The following ADTRP variants were observed in gnomAD, a reference collection of about 807,000 sequenced individuals.
ADTRP encodes the protein androgen dependent TFPI regulating protein.
In ADTRP, 20 loss-of-function variants were observed where a neutral mutation model predicts 27.0. The observed-to-expected ratio is 0.74, with a 90% CI of 0.52 to 1.08. ADTRP has a LOEUF of 1.08. Ranked by LOEUF, ADTRP falls within the 50% of genes least tolerant of loss-of-function variation. ADTRP has a pLI of 0.00. For missense variants in ADTRP, 251 were observed against 275.0 expected, an observed-to-expected ratio of 0.91 and a Z score of 0.62; for synonymous variants, 101 against 105.2, an observed-to-expected ratio of 0.96 and a Z score of 0.25.
At chr6:11,714,926 G>T (rs1290400507) in intron 5 of ADTRP, among the ~76,000 whole-genome samples, 1 of 152,138 alleles carries the variant, frequency 6.6e-6, no homozygotes, top group Non-Finnish European at 1.5e-5. Flanking sequence ...AACTAATTGG[G>T]GTCATTCTGT....
chr6:11,755,068 C>T, intron 3 of ADTRP: 1 of 985,394 alleles, frequency 1.0e-6, no homozygotes, highest in Non-Finnish European at 1.2e-6. Context: ...AGTCATTCTT[C>T]CCGTTGGGGT....
chr6:11,743,781 G>C (rs904636938), intron 3 of ADTRP, among the ~76,000 whole-genome samples: 1 of 152,178 alleles, frequency 6.6e-6, no homozygotes, highest in African/African-American at 2.4e-5. Flanking sequence ...AGGAAGAGAG[G>C]TCTTCTGCAC....
intron 3 of ADTRP, among the ~76,000 whole-genome samples, chr6:11,762,814 T>C (rs960835066): frequency 6.6e-6 from 1 of 152,206 alleles, no homozygotes; most frequent in African/African-American, 2.4e-5. Context: ...TGGGGCGACC[T>C]GAACAATTTA....
intron 1 of ADTRP, among the ~76,000 whole-genome samples, chr6:11,777,104 T>C (rs559485431): frequency 1.3e-5 from 2 of 152,252 alleles, no homozygotes; most frequent in Admixed American, 1.3e-4. Context: ...TAGGATTTGG[T>C]AGCTGATCAA....
chr6:11,762,437 G>A (rs187240066), intron 3 of ADTRP, among the ~76,000 whole-genome samples: 1 of 152,208 alleles, frequency 6.6e-6, no homozygotes, highest in Non-Finnish European at 1.5e-5. Flanking sequence ...AGTGTCACAC[G>A]CATAGTGGTA....
chr6:11,734,975 G>A (rs1012997204), intron 4 of ADTRP, among the ~76,000 whole-genome samples: 6 of 152,152 alleles, frequency 3.9e-5, no homozygotes, highest in Admixed American at 6.5e-5. Flanking sequence ...GGCCAAGCAC[G>A]TTCCCTTGAT....
rs945690358 is a variant in ADTRP, at chr6:11,714,271, T to C, written c.*207A>G. On this transcript the variant is annotated 3_prime_UTR_variant, in exon 6 of 6. Transcript: ENST00000414691. ...AATTCTGAGATAGCAGGAGTTGTTT[T>C]TGGCATGTGCAGTCAACCTTTCAAA... 1.1e-5 allele frequency: 6 copies of C among 571,120 alleles called. No homozygotes were observed. The highest frequency in any genetic ancestry group is 1.8e-5 in the Non-Finnish European group (6 of 326,128). 35.4% of individuals were successfully genotyped at this position (571,120 alleles called of 1,614,324 possible).
chr6:11,732,191 A>G (rs1234109093), intron 4 of ADTRP, among the ~76,000 whole-genome samples: 1 of 152,192 alleles, frequency 6.6e-6, no homozygotes, highest in Non-Finnish European at 1.5e-5. Flanking sequence ...ACCACATGTA[A>G]GGCGGTCCCC....
At position 11,749,708 on chromosome 6, in the gene ADTRP, C is replaced by A. The variant is rs1283468226; in HGVS notation, c.391-14025G>T. ...GAGGTGAGGAAGATGGGGGCAAAAACAGGTGCCCAGAATTTGGTAACATGG... is the reference window on the plus strand; with the variant it reads ...GAGGTGAGGAAGATGGGGGCAAAAAAAGGTGCCCAGAATTTGGTAACATGG... On this transcript the variant is annotated intron_variant, in intron 3 of 5. Transcript: ENST00000414691. 2.0e-5 allele frequency among the ~76,000 whole-genome samples: 3 copies of A among 152,132 alleles called. No individual in the cohort carries two copies. In the East Asian group the frequency reaches 5.8e-4, roughly 29 times the overall value.
At chr6:11,771,170 C>A (rs1368592649) in intron 1 of ADTRP, among the ~76,000 whole-genome samples, 2 of 152,208 alleles carry the variant, frequency 1.3e-5, no homozygotes, top group African/African-American at 2.4e-5. Flanking sequence ...ACTTGCTTTA[C>A]ACCTCCAACT....
chr6:11,746,708 A>G (rs1368432017), intron 3 of ADTRP, among the ~76,000 whole-genome samples: 1 of 152,212 alleles, frequency 6.6e-6, no homozygotes. Context: ...AATGTTGTGG[A>G]GTGGTATTCA....
chr6:11,765,319 G>GCT (rs1763529295), intron 3 of ADTRP, among the ~76,000 whole-genome samples: 1 of 112,526 alleles, frequency 8.9e-6, no homozygotes, highest in Non-Finnish European at 1.8e-5. Flanking sequence ...CTTTCCCCTG[G>GCT]TTTGTTTTTT....
At position 11,728,081 on chromosome 6, in the gene ADTRP, C is replaced by T. The variant is rs1374146111; in HGVS notation, c.507-4581G>A. On this transcript the variant is annotated intron_variant, in intron 4 of 5. Transcript: ENST00000414691. ...TTCAATCTTGCCCCCAAGTTTGATC[C>T]CATGAAATCATATCTATACTAAACT... Among the ~76,000 whole-genome samples the T allele has an allele frequency of 2.6e-5, 4 of 152,206 alleles. No individual in the cohort carries two copies. In the East Asian group the frequency reaches 7.7e-4, roughly 29 times the overall value.
At chr6:11,758,582 G>GGGT (rs1554114801) in intron 3 of ADTRP, among the ~76,000 whole-genome samples, 3 of 117,424 alleles carry the variant, frequency 2.6e-5, no homozygotes, top group Admixed American at 1.7e-4. Flanking sequence ...GGGTGGGGGG[G>GGGT]GGGGACGGAT....
intron 5 of ADTRP, among the ~76,000 whole-genome samples, chr6:11,721,493 T>C (rs1356742850): frequency 6.6e-6 from 1 of 152,242 alleles, no homozygotes; most frequent in Non-Finnish European, 1.5e-5. Context: ...ATTGCAACTT[T>C]AACAAATCTA....
intron 3 of ADTRP, among the ~76,000 whole-genome samples, chr6:11,746,739 T>C (rs1362562829): frequency 6.6e-6 from 1 of 152,230 alleles, no homozygotes; most frequent in East Asian, 1.9e-4. Context: ...CCAAATCTAC[T>C]AGGTTTCCAG....
rs34642296 is a variant in ADTRP at position 11,716,880 on chromosome 6, CTTT to C, written c.659-2371_659-2369del. Among the ~76,000 whole-genome samples the C allele has an allele frequency of 7.9e-5, 10 of 126,886 alleles. No homozygotes were observed. The East Asian group carries it at 1.1e-3, about 14-fold the overall frequency. The allele number at this position is 126,886 out of a possible 152,430, so 83.2% of individuals were successfully genotyped here. A position where few individuals can be genotyped will look rare whatever the true frequency, so the allele number is the denominator to read the frequency against. ...TACAGGTGTGCGCCACCACACGTAG[CTTT>C]TTTTTTTTTTTTTTGTATTTTTAGT... On this transcript the variant is annotated intron_variant, in intron 5 of 5. Transcript: ENST00000414691.
At position 11,768,255 on chromosome 6, in the gene ADTRP, T is replaced by G. The variant is rs1763638642; in HGVS notation, c.282A>C (p.Val94=). The G allele has an allele frequency of 1.2e-6, 2 of 1,614,074 alleles. No individual in the cohort carries two copies. Among genetic ancestry groups the G allele is most frequent in the African/African-American group, 2.7e-5 (2 of 74,936 alleles). Residue 94 remains valine, a synonymous_variant, in exon 2 of 6, where the codon GTA becomes GTC. Transcript: ENST00000414691. ...ACACATCTTTGAAACTTACCGTGGA[T>G]ACAGGAAAAGCCAGAGTGGTGAAAA... ...DLLFTTLAFP[V]STFVFLAFWI...
At chr6:11,735,003 C>A (rs566523809) in intron 4 of ADTRP, among the ~76,000 whole-genome samples, 4 of 146,052 alleles carry the variant, frequency 2.7e-5, no homozygotes, top group Admixed American at 6.9e-5. Flanking sequence ...TATTGGGCAG[C>A]GTTTCTGAAA....
Sources: allele counts gnomAD v4.1 joint callset (sites outside exome capture counted in the v4.1 genomes callset), GRCh38; gene constraint gnomAD v4.1.1; transcripts MANE v1.5; gene names NCBI Gene and HGNC (gene_info 2026-07-23, HGNC 2026-07-21).